Variants in FAM186A observed in about 807,000 individuals in gnomAD.
FAM186A encodes the protein family with sequence similarity 186 member A.
FAM186A carries 163 observed loss-of-function variants against 216.8 expected under a neutral mutation model. That is an observed-to-expected ratio of 0.75 (90% confidence interval 0.66 to 0.86). FAM186A has a LOEUF of 0.86. Ranked by LOEUF, FAM186A falls within the 40% of genes least tolerant of loss-of-function variation. The pLI, the probability that FAM186A is intolerant of heterozygous loss-of-function variation, is 0.00. For missense variants in FAM186A, 2,184 were observed against 2,746.2 expected (o/e 0.80, Z 4.58); for synonymous variants, 805 against 1,025.3 (o/e 0.79, Z 4.10).
rs1409944929 is a variant in FAM186A at position 50,363,309 on chromosome 12, C to T, written c.248G>A (p.Arg83His). 12 of 1,551,238 alleles carry T rather than the reference C, an allele frequency of 7.7e-6. No homozygotes were observed. Among genetic ancestry groups the T allele is most frequent in the Middle Eastern group, 1.7e-4 (1 of 5,958 alleles). Residue 83 changes from arginine to histidine, a missense_variant, in exon 2 of 8, where the codon CGC (arginine) becomes CAC (histidine). Coordinates refer to ENST00000327337, the MANE Select transcript of FAM186A (RefSeq NM_001145475.3). ...GGACGAGTTAAAAACAAGAGTATAG[C>T]GAGTCATTATCCGATGCACATTGTT... ...IMNNVHRIMT[R>H]YTLVFNSSSE...
chr12:50,368,876 A>G (rs1420605273), intron 1 of FAM186A, among the ~76,000 whole-genome samples: 1 of 151,976 alleles, frequency 6.6e-6, no homozygotes, highest in African/African-American at 2.4e-5. Context: ...AGTTAACAGT[A>G]TGTGTATAGT....
At chr12:50,375,825 C>G (rs759618552) in intron 1 of FAM186A, among the ~76,000 whole-genome samples, 2 of 151,984 alleles carry the variant, frequency 1.3e-5, no homozygotes, top group Admixed American at 1.3e-4. Flanking sequence ...TGGCCAGCGA[C>G]GCCTCTGCTT....
intron 1 of FAM186A, among the ~76,000 whole-genome samples, chr12:50,392,744 G>C (rs1420811689): frequency 2.0e-5 from 3 of 148,282 alleles, no homozygotes; most frequent in African/African-American, 7.5e-5. Context: ...GACTACAGTC[G>C]TGTGCCACCA....
intron 5 of FAM186A, 40 bp downstream of exon 5, chr12:50,333,871 T>C: frequency 2.0e-6 from 3 of 1,507,516 alleles, no homozygotes; most frequent in Non-Finnish European, 2.7e-6. Context: ...CTTTCATGTT[T>C]TTACAACATG....
intron 4 of FAM186A, among the ~76,000 whole-genome samples, chr12:50,342,042 A>G (rs756564440): frequency 6.6e-6 from 1 of 152,190 alleles, no homozygotes; most frequent in Non-Finnish European, 1.5e-5. Flanking sequence ...AGATAATACC[A>G]TAAGAAGTAA....
intron 1 of FAM186A, among the ~76,000 whole-genome samples, chr12:50,372,584 ACT>A (rs1644820593): frequency 1.4e-5 from 2 of 145,604 alleles, no homozygotes; most frequent in African/African-American, 2.6e-5. Context: ...ACAGTGTGAG[ACT>A]CTGTCTCAAA....
At chr12:50,336,250 A>T (rs1171851163) in intron 4 of FAM186A, among the ~76,000 whole-genome samples, 1 of 152,022 alleles carries the variant, frequency 6.6e-6, no homozygotes, top group Non-Finnish European at 1.5e-5. Context: ...AATGTATTCC[A>T]CCACATTTTG....
intron 1 of FAM186A, among the ~76,000 whole-genome samples, chr12:50,393,539 C>T (rs1336872074): frequency 6.7e-6 from 1 of 148,160 alleles, no homozygotes; most frequent in East Asian, 2.0e-4. Flanking sequence ...GAGACTCCAT[C>T]TCAAAAAAAA....
intron 5 of FAM186A, among the ~76,000 whole-genome samples, chr12:50,333,449 T>C (rs1942676066): frequency 6.6e-6 from 1 of 152,108 alleles, no homozygotes; most frequent in Non-Finnish European, 1.5e-5. Context: ...GGAGAATCTC[T>C]TGAATCCAGG....
intron 1 of FAM186A, among the ~76,000 whole-genome samples, chr12:50,375,505 C>T (rs1203873211): frequency 6.7e-6 from 1 of 149,226 alleles, no homozygotes; most frequent in Non-Finnish European, 1.5e-5. Flanking sequence ...GCCGAGATTG[C>T]ACCATTGCAC....
chr12:50,336,545 T>A (rs1371547695), intron 4 of FAM186A, among the ~76,000 whole-genome samples: 1 of 152,182 alleles, frequency 6.6e-6, no homozygotes, highest in African/African-American at 2.4e-5. Flanking sequence ...GCTTCAGGAA[T>A]CTGCATTTTA....
Position 50,352,861 on chromosome 12 carries a change from C to G in FAM186A, c.3971G>C (p.Gly1324Ala). 2 of 1,538,850 alleles carry G rather than the reference C, an allele frequency of 1.3e-6. No homozygotes were observed. ...PFTPQQAQALGIPLTPQQAQT... is the reference protein window; with the variant it reads ...PFTPQQAQALAIPLTPQQAQT... ...CGCCTGCTGAGGGGTGAGAGGGATCCCCAGGGCCTGCGCCTGCTGAGGGGT... is the reference window on the plus strand; with the variant it reads ...CGCCTGCTGAGGGGTGAGAGGGATCGCCAGGGCCTGCGCCTGCTGAGGGGT... The change falls in exon 4 of 8, where the codon GGG becomes GCG. Residue 1324 changes from glycine to alanine, a missense_variant. Gly to Ala is a moderately conservative substitution (Grantham distance 60). This residue lies in a region of FAM186A where 267 missense variants were observed against 446.2 expected (regional missense o/e 0.60). Transcript: ENST00000327337.
Position 50,354,735 on chromosome 12 carries a change from T to C in FAM186A, c.2097A>G (p.Glu699=). 6.5e-7 allele frequency: 1 copy of C among 1,547,060 alleles called. No individual in the cohort carries two copies. Among genetic ancestry groups the C allele is most frequent in the Non-Finnish European group, 8.7e-7 (1 of 1,146,208 alleles). Residue 699 remains glutamate, a synonymous_variant, in exon 4 of 8, where the codon GAA becomes GAG. Coordinates refer to ENST00000327337, the MANE Select transcript of FAM186A (RefSeq NM_001145475.3). ...KAFDKKTVPK[E]EELLKRAEAE... Reference sequence around the variant, plus strand: ...CTTCTGCTCTTTTTAATAACTCCTCTTCCTTCGGAACAGTCTTTTTGTCAA... The same window carrying C: ...CTTCTGCTCTTTTTAATAACTCCTCCTCCTTCGGAACAGTCTTTTTGTCAA...
Position 50,363,281 on chromosome 12 carries a change from A to T in FAM186A, c.276T>A (p.Ser92=). 6.4e-7 allele frequency: 1 copy of T among 1,551,574 alleles called. No homozygotes were observed. The highest frequency in any genetic ancestry group is 8.7e-7 in the Non-Finnish European group (1 of 1,146,958). The change falls in exon 2 of 8, where the codon TCT becomes TCA. Residue 92 remains serine, a synonymous_variant. Transcript: ENST00000327337. Reference sequence around the variant, plus strand: ...GTTCTGTAAGGGAGACATTCCTTTCAGAGGACGAGTTAAAAACAAGAGTAT... The same window carrying T: ...GTTCTGTAAGGGAGACATTCCTTTCTGAGGACGAGTTAAAAACAAGAGTAT... ...TRYTLVFNSS[S]ERNVSLTEHK...
chr12:50,356,999 AACATACATACATACATACATACATACAT>A (rs71749786), intron 3 of FAM186A, among the ~76,000 whole-genome samples: 40 of 150,022 alleles, frequency 2.7e-4, no homozygotes, highest in Non-Finnish European at 5.2e-4. Flanking sequence ...ACTTCGTCTC[AACATACATACATACATACATACATACAT>A]ACATACATAC....
chr12:50,362,258 C>T (rs1943043170), intron 2 of FAM186A, among the ~76,000 whole-genome samples: 2 of 151,950 alleles, frequency 1.3e-5, no homozygotes, highest in African/African-American at 4.8e-5. Context: ...CAGGCGTGAG[C>T]CACCGCACCT....
chr12:50,381,928 C>A (rs935403002), intron 1 of FAM186A, among the ~76,000 whole-genome samples: 2 of 152,088 alleles, frequency 1.3e-5, no homozygotes, highest in African/African-American at 4.8e-5. Context: ...CCACTGCACT[C>A]CAGCATGGGT....
intron 1 of FAM186A, among the ~76,000 whole-genome samples, chr12:50,375,493 G>A (rs1484794080): frequency 6.6e-6 from 1 of 150,820 alleles, no homozygotes; most frequent in Non-Finnish European, 1.5e-5. Context: ...AGGTTGCAGC[G>A]AGCCGAGATT....
chr12:50,347,942 G>A (rs1942835817), intron 4 of FAM186A, among the ~76,000 whole-genome samples: 1 of 151,218 alleles, frequency 6.6e-6, no homozygotes, highest in Non-Finnish European at 1.5e-5. Context: ...GCACAGTCTT[G>A]CCTCACTGCA....
Sources: gnomAD v4.1 joint callset for allele counts (sites outside exome capture counted in the v4.1 genomes callset) on GRCh38, gnomAD v4.1.1 for gene constraint, gnomAD v4.1.1 regional missense constraint, MANE v1.5 for transcripts, NCBI Gene and HGNC (gene_info 2026-07-23, HGNC 2026-07-21) for gene names.